The following USP42 variants were observed in gnomAD, a reference collection of about 807,000 sequenced individuals.
USP42 encodes ubiquitin carboxyl-terminal hydrolase 42.
USP42 carries 23 observed loss-of-function variants against 113.0 expected under a neutral mutation model. The observed-to-expected ratio is 0.20, with a 90% CI of 0.15 to 0.29. The LOEUF is 0.29. Ranked by LOEUF, USP42 falls within the 10% of genes least tolerant of loss-of-function variation. USP42 has a pLI of 1.00. For synonymous variants in USP42, 933 were observed against 699.0 expected (o/e 1.33, Z -5.28); for missense variants, 2,174 against 1,779.8 (o/e 1.22, Z -3.99).
Position 6,139,926 on chromosome 7 carries a change from C to T in USP42, c.657-202C>T. On this transcript the variant is annotated intron_variant, in intron 5 of 17. Coordinates refer to ENST00000306177, the MANE Select transcript of USP42 (RefSeq NM_032172.3). This position sits in a 1 kb window ranked among gnomAD's most constrained non-coding sequence, Gnocchi z 4.5. ...ACACAGCTCCCACAGCTCTGCGTCT[C>T]CTCCCGCCACTCCCAGACCTCCCTG... The T allele has an allele frequency of 8.2e-6, 5 of 607,334 alleles. No homozygotes were observed. Among genetic ancestry groups the T allele is most frequent in the South Asian group, 7.8e-5 (4 of 51,182 alleles). The allele number at this position is 607,334 out of a possible 1,614,324, so 37.6% of individuals were successfully genotyped here.
chr7:6,149,832 T>A lies in USP42; in HGVS notation c.1636T>A (p.Leu546Met), dbSNP rs1781933904. Residue 546 changes from leucine to methionine, a missense_variant, in exon 13 of 18, where the codon TTG becomes ATG. Coordinates refer to ENST00000306177, the MANE Select transcript of USP42 (RefSeq NM_032172.3). ...TCAACCTAACCTTCATAGTAATTCTTTGGAGAACCCTACCAAGCCCGTTCC... is the reference window on the plus strand; with the variant it reads ...TCAACCTAACCTTCATAGTAATTCTATGGAGAACCCTACCAAGCCCGTTCC... Reference protein sequence around the residue: ...QSQPNLHSNSLENPTKPVPSS... With the variant: ...QSQPNLHSNSMENPTKPVPSS... The A allele has an allele frequency of 6.2e-7, 1 of 1,614,034 alleles. No individual in the cohort carries two copies. The highest frequency in any genetic ancestry group is 1.3e-5 in the African/African-American group (1 of 75,052).
At position 6,160,940 on chromosome 7, in the gene USP42, A is replaced by T; in HGVS notation, c.*422A>T. 1 of 152,652 alleles carries T rather than the reference A, an allele frequency of 6.6e-6. No individual in the cohort carries two copies. Among genetic ancestry groups the T allele is most frequent in the East Asian group, 1.9e-4 (1 of 5,202 alleles). The allele number at this position is 152,652 out of a possible 1,614,324, so 9.5% of individuals were successfully genotyped here. Reference sequence around the variant, plus strand: ...AAAAGTACAAACTGACAGTGTGTATATTTAATTTAAAGACTTATTTAAAAA... The same window carrying T: ...AAAAGTACAAACTGACAGTGTGTATTTTTAATTTAAAGACTTATTTAAAAA... On this transcript the variant is annotated 3_prime_UTR_variant, in exon 18 of 18. Coordinates refer to ENST00000306177, the MANE Select transcript of USP42 (RefSeq NM_032172.3).
intron 7 of USP42, among the ~76,000 whole-genome samples, chr7:6,141,366 A>G (rs1781423472): frequency 1.3e-5 from 2 of 150,984 alleles, no homozygotes; most frequent in Admixed American, 1.3e-4. Flanking sequence ...CACCATGCCC[A>G]GCTAATTTTT....
chr7:6,152,378 C>T (rs1377449331), intron 14 of USP42, among the ~76,000 whole-genome samples: 1 of 152,242 alleles, frequency 6.6e-6, no homozygotes, highest in Non-Finnish European at 1.5e-5. Context: ...ACGTCAGTGT[C>T]AGTGAAAACC....
At chr7:6,146,125 C>T in intron 10 of USP42, 23 bp from the exon 11 acceptor site, 3 of 1,455,292 alleles carry the variant, frequency 2.1e-6, no homozygotes, top group South Asian at 1.3e-5. Flanking sequence ...TAATCTCTCT[C>T]TTTTATTGGC....
At chr7:6,085,093 T>A in the USP42 span, 1 of 150,690 alleles carries the variant, frequency 6.6e-6, no homozygotes, top group East Asian at 1.9e-4. Flanking sequence ...CTTGTTTTTG[T>A]GTTTTAGCCA....
chr7:6,111,391 G>C lies in USP42; in HGVS notation c.241+17G>C, dbSNP rs544586564. On this transcript the variant is annotated intron_variant, in intron 2 of 17. Transcript: ENST00000306177. ...AGGATCAAGGTACTGTTTTTCAAAA[G>C]AGAGAATTACCGCCAGAAACTCCTG... The C allele has an allele frequency of 6.2e-7, 1 of 1,604,776 alleles. No individual in the cohort carries two copies. The highest frequency in any genetic ancestry group is 1.3e-5 in the African/African-American group (1 of 74,832).
At chr7:6,100,991 A>T (rs563336336), upstream of USP42, among the ~76,000 whole-genome samples, 9 of 151,056 alleles carry the variant, frequency 6.0e-5, no homozygotes, top group South Asian at 1.9e-3. Flanking sequence ...TTAAACCAGG[A>T]TATCTAGAAG....
rs919418598 is a variant in USP42, at chr7:6,156,927, G to T, written c.3815G>T (p.Arg1272Ile). 1 of 1,613,936 alleles carries T rather than the reference G, an allele frequency of 6.2e-7. No homozygotes were observed. The highest frequency in any genetic ancestry group is 2.2e-5 in the East Asian group (1 of 44,884). ...TSLETVAQFR[R>I]AQGGFPLSGG... The stretch of plus-strand genomic sequence containing the variant: ...TTGGAGACTGTCGCCCAGTTCCGGA[G>T]AGCCCAGGGTGGCTTTCCTCTCTCT... Residue 1272 changes from arginine to isoleucine, a missense_variant, in exon 16 of 18, where the codon AGA (arginine) becomes ATA (isoleucine). Transcript: ENST00000306177.
At chr7:6,132,608 C>T (rs1282105592) in intron 3 of USP42, among the ~76,000 whole-genome samples, 1 of 152,102 alleles carries the variant, frequency 6.6e-6, no homozygotes, top group East Asian at 1.9e-4. Context: ...ATCTACCCGC[C>T]TCAGCCTCAC....
At chr7:6,138,785 C>T (rs1781294646) in intron 4 of USP42, among the ~76,000 whole-genome samples, 1 of 152,116 alleles carries the variant, frequency 6.6e-6, no homozygotes, top group African/African-American at 2.4e-5. Flanking sequence ...GTTCCATGCT[C>T]CTTAGGAGAA....
chr7:6,148,996 G>A (rs931562692), intron 12 of USP42, among the ~76,000 whole-genome samples: 3 of 152,170 alleles, frequency 2.0e-5, no homozygotes, highest in East Asian at 1.9e-4. Flanking sequence ...GTGAGGAGAC[G>A]CTGGGAAGGC....
At chr7:6,111,000 A>C (rs1231324024) in intron 1 of USP42, 125 bp from the exon 2 acceptor site, 13 of 942,322 alleles carry the variant, frequency 1.4e-5, no homozygotes, top group Non-Finnish European at 2.0e-5. Flanking sequence ...TTGTTTTTAT[A>C]TTTGAGTGAT....
chr7:6,133,732 C>A (rs1344365871), intron 3 of USP42, among the ~76,000 whole-genome samples: 1 of 151,992 alleles, frequency 6.6e-6, no homozygotes, highest in African/African-American at 2.4e-5. Context: ...GTTGCCCAGG[C>A]TGGTGTCAAA....
chr7:6,153,498 C>T (rs1008329695), intron 14 of USP42, among the ~76,000 whole-genome samples: 2 of 151,992 alleles, frequency 1.3e-5, no homozygotes, highest in Admixed American at 1.3e-4. Context: ...TATTGGGCTT[C>T]GGCGAGATGT....
the USP42 span, among the ~76,000 whole-genome samples, chr7:6,082,072 A>G: frequency 6.6e-6 from 1 of 151,826 alleles, no homozygotes; most frequent in Non-Finnish European, 1.5e-5. Flanking sequence ...GTGTAAATAT[A>G]CTATATATAC....
intron 1 of USP42, among the ~76,000 whole-genome samples, chr7:6,106,613 G>A (rs1021847008): frequency 6.6e-6 from 1 of 152,178 alleles, no homozygotes; most frequent in Non-Finnish European, 1.5e-5. Flanking sequence ...TGCCTAGGCT[G>A]GAGTGCAGTG....
At chr7:6,117,602 CA>C (rs936072691) in intron 3 of USP42, among the ~76,000 whole-genome samples, 11 of 152,138 alleles carry the variant, frequency 7.2e-5, no homozygotes, top group African/African-American at 2.7e-4. Flanking sequence ...TGTACTTTAA[CA>C]TTTTAAGAGA....
Position 6,155,330 on chromosome 7 carries a change from C to T in USP42, c.3641+135C>T, listed in dbSNP as rs1490680941. 3 of 1,383,866 alleles carry T rather than the reference C, an allele frequency of 2.2e-6. No individual in the cohort carries two copies. In the East Asian group the frequency reaches 7.7e-5, roughly 35 times the overall value. The allele number at this position is 1,383,866 out of a possible 1,614,324, so 85.7% of individuals were successfully genotyped here. ...TCCGTCTGATTTGTGTCTTTCATTT[C>T]TGTGGGTTTTGAGAGTTCACTATTT... On this transcript the variant is annotated intron_variant, in intron 15 of 17. Coordinates refer to ENST00000306177, the MANE Select transcript of USP42 (RefSeq NM_032172.3).
Sources: gnomAD v4.1 joint callset for allele counts (sites outside exome capture counted in the v4.1 genomes callset) on GRCh38, gnomAD v4.1.1 for gene constraint, Gnocchi (gnomAD v3.1) non-coding constraint, MANE v1.5 for transcripts, NCBI Gene and HGNC (gene_info 2026-07-23, HGNC 2026-07-21) for gene names.